Variants in LRBA observed in about 807,000 individuals in gnomAD.
The protein encoded by LRBA is lipopolysaccharide-responsive and beige-like anchor protein.
A neutral mutation model predicts 330.0 loss-of-function variants in LRBA; 176 were observed. That is an observed-to-expected ratio of 0.53 (90% CI 0.47 to 0.60). The LOEUF is 0.60. LRBA is among the 20% of genes least tolerant of loss of function. The pLI is 0.00. For synonymous variants in LRBA, 1,230 were observed against 1,193.0 expected (o/e 1.03, Z -0.64); for missense variants, 3,259 against 3,444.8 (o/e 0.95, Z 1.35).
At chr4:150,493,159 T>C (rs1458981280) in intron 40 of LRBA, among the ~76,000 whole-genome samples, 1 of 152,048 alleles carries the variant, frequency 6.6e-6, no homozygotes, top group African/African-American at 2.4e-5. Flanking sequence ...TTTTAACAAT[T>C]TTTTTGTAGA....
chr4:150,506,062 C>T (rs139736377), intron 40 of LRBA, among the ~76,000 whole-genome samples: 1 of 151,992 alleles, frequency 6.6e-6, no homozygotes, highest in Non-Finnish European at 1.5e-5. Context: ...CAATAACAGG[C>T]TCTGAAATTG....
At chr4:150,491,430 A>T (rs974076942) in intron 40 of LRBA, among the ~76,000 whole-genome samples, 2 of 152,088 alleles carry the variant, frequency 1.3e-5, no homozygotes, top group Non-Finnish European at 2.9e-5. Flanking sequence ...TCACATACAC[A>T]ATTCAGTTTC....
intron 40 of LRBA, among the ~76,000 whole-genome samples, chr4:150,515,376 A>T (rs1762229763): frequency 6.6e-6 from 1 of 152,210 alleles, no homozygotes; most frequent in African/African-American, 2.4e-5. Context: ...AAAGAAAAAA[A>T]GTTAGTAAAA....
chr4:150,743,958 ACTCCAGCTCTGT>A (rs1440588958), intron 35 of LRBA, among the ~76,000 whole-genome samples: 3 of 152,086 alleles, frequency 2.0e-5, no homozygotes, highest in Non-Finnish European at 4.4e-5. Flanking sequence ...TTTTAATTTG[ACTCCAGCTCTGT>A]CAGACTCTCT....
At chr4:150,773,497 T>C (rs984686562) in intron 34 of LRBA, among the ~76,000 whole-genome samples, 1 of 152,238 alleles carries the variant, frequency 6.6e-6, no homozygotes, top group African/African-American at 2.4e-5. Context: ...AATAATACAC[T>C]GTCATTCTCA....
At chr4:150,340,969 G>A (rs1735456811) in intron 48 of LRBA, among the ~76,000 whole-genome samples, 1 of 152,104 alleles carries the variant, frequency 6.6e-6, no homozygotes, top group Non-Finnish European at 1.5e-5. Flanking sequence ...AGTTTAAGAA[G>A]GAAGTGAAAT....
intron 37 of LRBA, among the ~76,000 whole-genome samples, chr4:150,644,822 T>C (rs1561464341): frequency 6.6e-6 from 1 of 151,866 alleles, no homozygotes; most frequent in Non-Finnish European, 1.5e-5. Context: ...TTATAACAAA[T>C]GGTGTTAAAA....
chr4:150,358,230 G>A (rs1738156784), intron 47 of LRBA, among the ~76,000 whole-genome samples: 1 of 152,078 alleles, frequency 6.6e-6, no homozygotes, highest in African/African-American at 2.4e-5. Context: ...ACAAGTACCT[G>A]GAATTAAGCT....
Position 150,571,649 on chromosome 4 carries a change from G to GTTTTTT in LRBA, c.6330+16393_6330+16398dup, listed in dbSNP as rs58652637. Among the ~76,000 whole-genome samples, 206 of 74,542 alleles carry GTTTTTT rather than the reference G, an allele frequency of 2.8e-3. 4 individuals are homozygous for GTTTTTT. The highest frequency in any genetic ancestry group is 4.5e-3 in the East Asian group (10 of 2,214). 48.9% of individuals were successfully genotyped at this position (74,542 alleles called of 152,430 possible). On this transcript the variant is annotated intron_variant, in intron 40 of 56. Coordinates refer to ENST00000651943, the MANE Select transcript of LRBA (RefSeq NM_001364905.1). ...GTATGCATTAACCTACTGGTTAGTT[G>GTTTTTT]TTTTTTTTTTTTTTTTTTTTTTTTT...
chr4:150,762,665 A>T (rs1735255626), intron 34 of LRBA, among the ~76,000 whole-genome samples: 1 of 151,902 alleles, frequency 6.6e-6, no homozygotes, highest in Admixed American at 6.6e-5. Context: ...ACACACACAC[A>T]AAGATTTGCT....
intron 36 of LRBA, among the ~76,000 whole-genome samples, chr4:150,700,405 G>C (rs1169812755): frequency 6.6e-6 from 1 of 152,070 alleles, no homozygotes; most frequent in Non-Finnish European, 1.5e-5. Flanking sequence ...TGGTAAAAAT[G>C]GGTATAAAAC....
chr4:150,448,182 T>TATTA (rs1232632867), intron 44 of LRBA, among the ~76,000 whole-genome samples: 3 of 152,150 alleles, frequency 2.0e-5, no homozygotes, highest in African/African-American at 7.2e-5. Flanking sequence ...ATTTGTCAAA[T>TATTA]ATTAATGGGA....
chr4:150,823,974 A>G (rs1384995663), intron 30 of LRBA, among the ~76,000 whole-genome samples: 1 of 152,010 alleles, frequency 6.6e-6, no homozygotes, highest in Non-Finnish European at 1.5e-5. Context: ...GAAGAATGTC[A>G]CTGGTATTTT....
intron 37 of LRBA, among the ~76,000 whole-genome samples, chr4:150,645,835 AT>A (rs1177990267): frequency 6.6e-6 from 1 of 151,966 alleles, no homozygotes; most frequent in Non-Finnish European, 1.5e-5. Context: ...TTTGCCATCT[AT>A]TTTGATGACA....
At chr4:150,861,708 T>C (rs1751963900) in intron 22 of LRBA, among the ~76,000 whole-genome samples, 1 of 152,164 alleles carries the variant, frequency 6.6e-6, no homozygotes, top group South Asian at 2.1e-4. Context: ...CAATAAGAAA[T>C]TAACCTCAGC....
intron 37 of LRBA, among the ~76,000 whole-genome samples, chr4:150,631,741 C>T (rs1283741757): frequency 6.6e-6 from 1 of 152,122 alleles, no homozygotes; most frequent in South Asian, 2.1e-4. Context: ...GATTCCAATA[C>T]TGATGCCATT....
At chr4:150,697,325 GA>G (rs60145657) in intron 36 of LRBA, among the ~76,000 whole-genome samples, 35 of 28,048 alleles carry the variant, frequency 1.2e-3, no homozygotes, top group African/African-American at 3.6e-3. Flanking sequence ...CTTTGTCTCA[GA>G]AAAAAAAAAA....
At chr4:150,663,391 CA>C (rs1210697010) in intron 37 of LRBA, among the ~76,000 whole-genome samples, 1 of 151,708 alleles carries the variant, frequency 6.6e-6, no homozygotes, top group Admixed American at 6.6e-5. Flanking sequence ...AGAAGGTGCA[CA>C]AAAGAGTATC....
chr4:150,782,454 G>A (rs1738386395), intron 34 of LRBA, among the ~76,000 whole-genome samples: 1 of 152,132 alleles, frequency 6.6e-6, no homozygotes, highest in African/African-American at 2.4e-5. Flanking sequence ...TTCTCCTTCT[G>A]GAGACTCCAG....
Sources: allele counts gnomAD v4.1 joint callset (sites outside exome capture counted in the v4.1 genomes callset), GRCh38; gene constraint gnomAD v4.1.1; transcripts MANE v1.5; gene names NCBI Gene and HGNC (gene_info 2026-07-23, HGNC 2026-07-21).